APOH: variants seen among roughly 807,000 people sequenced by gnomAD.
APOH encodes beta-2-glycoprotein 1.
A neutral mutation model predicts 39.8 loss-of-function variants in APOH; 48 were observed. The observed-to-expected ratio is 1.21, with a 90% CI of 0.96 to 1.54. The LOEUF (loss-of-function observed/expected upper bound fraction) is 1.54, where lower values mean the gene tolerates loss of function less well. APOH is among the 40% of genes most tolerant of loss of function. The probability of loss-of-function intolerance (pLI) is 0.00; values close to 1 mark genes in which losing one functional copy is unlikely to be tolerated. For missense variants in APOH, 415 were observed against 421.2 expected (o/e 0.99, Z 0.13); for synonymous variants, 153 against 151.1 (o/e 1.01, Z -0.09).
chr17:66,220,262 A>G (rs1175849110), intron 5 of APOH, among the ~76,000 whole-genome samples: 1 of 152,092 alleles, frequency 6.6e-6, no homozygotes, highest in African/African-American at 2.4e-5. Context: ...CCTTCTCCTC[A>G]TTCTCTACTG....
chr17:66,214,306 G>C (rs543835100), intron 7 of APOH, 147 bp downstream of exon 7: 2 of 732,864 alleles, frequency 2.7e-6, no homozygotes, highest in Admixed American at 2.8e-5. Flanking sequence ...TGATCCACCC[G>C]CCTCAGCCTC....
intron 6 of APOH, among the ~76,000 whole-genome samples, chr17:66,216,351 T>C (rs1249973450): frequency 6.6e-6 from 1 of 151,362 alleles, no homozygotes; most frequent in Admixed American, 6.6e-5. Context: ...GGTGTGGTGG[T>C]GGGGTGCCTG....
chr17:66,220,810 A>AT, intron 4 of APOH, 68 bp from the exon 5 acceptor site: 1 of 1,415,290 alleles, frequency 7.1e-7, no homozygotes, highest in African/African-American at 1.5e-5. Context: ...CTTTCCAGAA[A>AT]GAAAAAAAAA....
At chr17:66,222,522 C>T (rs8178842) in intron 4 of APOH, among the ~76,000 whole-genome samples, 14,006 of 145,378 alleles carry the variant, frequency 0.096, 790 homozygotes, top group African/African-American at 0.17. Flanking sequence ...TTGTTCAGGT[C>T]TTCTTAAACA....
At chr17:66,229,270 G>A in intron 1 of APOH, 46 bp downstream of exon 1, 5 of 1,473,476 alleles carry the variant, frequency 3.4e-6, no homozygotes, top group Non-Finnish European at 4.7e-6. Flanking sequence ...CATATACGAA[G>A]GGGTTGGATA....
chr17:66,226,023 C>A lies in APOH; in HGVS notation c.338+5G>T. ...TTAACTGCTTAGTTCCATGAAAGTT[C>A]TTACCCAGTGTTACAAGAAAAACTG... On this transcript the variant is annotated splice_donor_5th_base_variant and intron_variant, in intron 3 of 7. Transcript: ENST00000205948. 6.2e-7 allele frequency: 1 copy of A among 1,605,378 alleles called. No homozygotes were observed. Among genetic ancestry groups the A allele is most frequent in the South Asian group, 1.1e-5 (1 of 90,050 alleles).
rs112172574 is a variant in APOH, at chr17:66,224,053, T to C, written c.339-279A>G. Among the ~76,000 whole-genome samples, 88 of 152,274 alleles carry C rather than the reference T, an allele frequency of 5.8e-4. 1 individual carries two copies. Among genetic ancestry groups the C allele is most frequent in the African/African-American group, 1.9e-3 (80 of 41,568 alleles). On this transcript the variant is annotated intron_variant, in intron 3 of 7. Coordinates refer to ENST00000205948, the MANE Select transcript of APOH (RefSeq NM_000042.3). ...AGTTGGCCAAGATGACTGTTTCTAA[T>C]ATAAAGCAAAGAACCATCTCTTTTT...
intron 4 of APOH, 150 bp downstream of exon 4, chr17:66,223,548 T>C: frequency 1.5e-6 from 1 of 689,530 alleles, no homozygotes; most frequent in Non-Finnish European, 2.5e-6. Flanking sequence ...TTTCATCTTC[T>C]AGAGCAAGAT....
chr17:66,217,344 A>AACCCC (rs2073371764), intron 5 of APOH, among the ~76,000 whole-genome samples: 1 of 125,808 alleles, frequency 7.9e-6, no homozygotes, highest in Non-Finnish European at 1.7e-5. Context: ...CAAAGACTGA[A>AACCCC]CCCCCCCCCC....
chr17:66,217,352 C>A (rs995822727), intron 5 of APOH, among the ~76,000 whole-genome samples: 1 of 145,966 alleles, frequency 6.9e-6, no homozygotes, highest in Admixed American at 6.9e-5. Flanking sequence ...GAACCCCCCC[C>A]CCCATTCACA....
At chr17:66,224,470 T>TAAAAAAAAA (rs760150264) in intron 3 of APOH, among the ~76,000 whole-genome samples, 14 of 43,014 alleles carry the variant, frequency 3.3e-4, no homozygotes, top group East Asian at 1.7e-3. Flanking sequence ...GAAGATCCTG[T>TAAAAAAAAA]AAAAAAAAAA....
intron 4 of APOH, among the ~76,000 whole-genome samples, chr17:66,222,698 A>G (rs1222530154): frequency 2.0e-5 from 3 of 150,226 alleles, no homozygotes; most frequent in East Asian, 4.0e-4. Context: ...CAGCCTCCCA[A>G]TTGGCTGGGA....
At chr17:66,221,848 G>A (rs1294598925) in intron 4 of APOH, among the ~76,000 whole-genome samples, 3 of 152,234 alleles carry the variant, frequency 2.0e-5, no homozygotes, top group East Asian at 1.9e-4. Context: ...ACCAAAATGC[G>A]ATTTACCTTG....
At chr17:66,225,992 A>G (rs370136688) in intron 3 of APOH, 36 bp downstream of exon 3, 472 of 1,435,288 alleles carry the variant, frequency 3.3e-4, no homozygotes, top group Non-Finnish European at 4.4e-4. Context: ...AAATGTGCTC[A>G]GTCTGTTAAC....
At chr17:66,220,497 C>G (rs1180646031) in intron 5 of APOH, 57 bp downstream of exon 5, 1 of 1,543,572 alleles carries the variant, frequency 6.5e-7, no homozygotes, top group East Asian at 2.3e-5. Context: ...TTTTCAATAC[C>G]TTTCACAAAT....
chr17:66,227,856 T>C (rs1209299401), intron 2 of APOH, among the ~76,000 whole-genome samples, 164 bp downstream of exon 2: 1 of 152,196 alleles, frequency 6.6e-6, no homozygotes. Context: ...CCTTACTCTC[T>C]TTGCACAGAG....
rs551690886 is a variant in APOH at position 66,215,468 on chromosome 17, G to A, written c.785-818C>T. ...GTTTGAGAACCGGTGCCTTACCCTCGCAAATCTGCCTCACTCTTTCTTCTC... is the reference window on the plus strand; with the variant it reads ...GTTTGAGAACCGGTGCCTTACCCTCACAAATCTGCCTCACTCTTTCTTCTC... On this transcript the variant is annotated intron_variant, in intron 6 of 7. Transcript: ENST00000205948. Among the ~76,000 whole-genome samples the A allele has an allele frequency of 1.5e-4, 23 of 152,250 alleles. No individual in the cohort carries two copies. The South Asian group carries it at 1.9e-3, about 12-fold the overall frequency.
At chr17:66,224,891 A>C (rs2146998575) in intron 3 of APOH, among the ~76,000 whole-genome samples, 1 of 151,882 alleles carries the variant, frequency 6.6e-6, no homozygotes, top group Non-Finnish European at 1.5e-5. Context: ...AGATGGTGAA[A>C]CCCCATCTCT....
Position 66,214,083 on chromosome 17 carries a change from G to A in APOH, c.982+370C>T, listed in dbSNP as rs376175099. ...GTTTTGTTTGTTTTTGTTTTGAGAC[G>A]GAGTTTCGCTCTGTTGCCCAGGCTG... On this transcript the variant is annotated intron_variant, in intron 7 of 7. Coordinates refer to ENST00000205948, the MANE Select transcript of APOH (RefSeq NM_000042.3). Among the ~76,000 whole-genome samples the A allele has an allele frequency of 2.8e-4, 42 of 152,154 alleles. 1 individual carries two copies. Among genetic ancestry groups the A allele is most frequent in the African/African-American group, 8.9e-4 (37 of 41,516 alleles).
Sources: allele counts gnomAD v4.1 joint callset (sites outside exome capture counted in the v4.1 genomes callset), GRCh38; gene constraint gnomAD v4.1.1; transcripts MANE v1.5; gene names NCBI Gene and HGNC (gene_info 2026-07-23, HGNC 2026-07-21).